The following ITGA9 variants were observed in gnomAD, a reference collection of about 807,000 sequenced individuals.
The protein encoded by ITGA9 is integrin alpha-9.
Under a neutral mutation model 127.8 loss-of-function variants are expected in ITGA9, and 56 were observed. That is an observed-to-expected ratio of 0.44 (90% CI 0.35 to 0.55). ITGA9 has a LOEUF of 0.55. ITGA9 is among the 20% of genes least tolerant of loss of function. The probability of loss-of-function intolerance (pLI) is 0.00; values close to 1 mark genes in which losing one functional copy is unlikely to be tolerated. For missense variants in ITGA9, 1,196 were observed against 1,347.1 expected, an observed-to-expected ratio of 0.89 and a Z score of 1.76; for synonymous variants, 508 against 514.5, an observed-to-expected ratio of 0.99 and a Z score of 0.17.
intron 26 of ITGA9, among the ~76,000 whole-genome samples, chr3:37,801,147 G>C (rs976148943): frequency 1.1e-4 from 17 of 152,060 alleles, no homozygotes; most frequent in African/African-American, 4.1e-4. Context: ...CCTGAGCAAC[G>C]GAGCAAGACT....
intron 23 of ITGA9, among the ~76,000 whole-genome samples, chr3:37,752,031 G>A (rs138434314): frequency 1.3e-5 from 2 of 152,330 alleles, no homozygotes; most frequent in East Asian, 3.9e-4. Flanking sequence ...GACAACAAGA[G>A]TAGAAGCATA....
chr3:37,588,894 C>T (rs975068006), intron 15 of ITGA9, among the ~76,000 whole-genome samples: 7 of 152,164 alleles, frequency 4.6e-5, no homozygotes, highest in Admixed American at 6.5e-5. Flanking sequence ...GCATCATCCT[C>T]GTGGCATTCT....
At chr3:37,766,858 T>C (rs1177614446) in intron 23 of ITGA9, among the ~76,000 whole-genome samples, 2 of 152,184 alleles carry the variant, frequency 1.3e-5, no homozygotes, top group Non-Finnish European at 2.9e-5. Context: ...CTAAAGAGAA[T>C]CTGACGGCAT....
chr3:37,801,173 AAAG>A (rs1185104454), intron 26 of ITGA9, among the ~76,000 whole-genome samples: 1 of 152,126 alleles, frequency 6.6e-6, no homozygotes, highest in Non-Finnish European at 1.5e-5. Flanking sequence ...TCAAAAAAAG[AAAG>A]AAAAGAAAAG....
chr3:37,554,304 C>T (rs932272156), intron 15 of ITGA9, among the ~76,000 whole-genome samples: 4 of 151,914 alleles, frequency 2.6e-5, no homozygotes, highest in Non-Finnish European at 4.4e-5. Context: ...GTTAGCACAG[C>T]GGGTTCCTGG....
chr3:37,785,005 C>T lies in ITGA9; in HGVS notation c.2816C>T (p.Ser939Phe). ...AGTTCGTCTGTCATCCAGTTCATGT[C>T]CCGCGCCAAGGTGAAGGTGGATCCT... ...KDSSSVIQFM[S>F]RAKVKVDPAL... Residue 939 changes from serine (S) to phenylalanine (F), a missense_variant, in exon 26 of 28, where the codon TCC (serine) becomes TTC (phenylalanine). Transcript: ENST00000264741. 2 of 1,614,118 alleles carry T rather than the reference C, an allele frequency of 1.2e-6. No homozygotes were observed. Among genetic ancestry groups the T allele is most frequent in the Non-Finnish European group, 1.7e-6 (2 of 1,179,976 alleles).
chr3:37,612,217 G>A (rs144719271), intron 15 of ITGA9, among the ~76,000 whole-genome samples: 7 of 152,256 alleles, frequency 4.6e-5, no homozygotes, highest in Non-Finnish European at 7.3e-5. Flanking sequence ...GTGCGTGGAC[G>A]CCTTTGGCCG....
chr3:37,603,047 C>T (rs553887388), intron 15 of ITGA9, among the ~76,000 whole-genome samples: 1 of 152,310 alleles, frequency 6.6e-6, no homozygotes, highest in Admixed American at 6.5e-5. Flanking sequence ...GATCTGGATA[C>T]AGCCAAAGTC....
intron 15 of ITGA9, among the ~76,000 whole-genome samples, chr3:37,620,024 G>C (rs1275140706): frequency 6.6e-6 from 1 of 152,172 alleles, no homozygotes; most frequent in Non-Finnish European, 1.5e-5. Flanking sequence ...CATCCTTTCT[G>C]ATTCACTCAA....
chr3:37,683,983 C>T lies in ITGA9; in HGVS notation c.2035C>T (p.Arg679Trp), dbSNP rs572089785. The T allele has an allele frequency of 7.4e-6, 12 of 1,613,708 alleles. 1 individual carries two copies. Among genetic ancestry groups the T allele is most frequent in the South Asian group, 2.2e-5 (2 of 91,074 alleles). Residue 679 changes from arginine (R) to tryptophan (W), a missense_variant, in exon 18 of 28, where the codon CGG becomes TGG. By Grantham distance (101) the Arg-to-Trp change is moderately radical (BLOSUM62 -3). Coordinates refer to ENST00000264741, the MANE Select transcript of ITGA9 (RefSeq NM_002207.3). ...TGCCAACGTGTCCTTCAATGTTTCCCGGGAGCTCTTCTTCATCAACATGTG... is the reference window on the plus strand; with the variant it reads ...TGCCAACGTGTCCTTCAATGTTTCCTGGGAGCTCTTCTTCATCAACATGTG... ...YDANVSFNVS[R>W]ELFFINMWQK...
At chr3:37,631,326 A>T (rs1308385556) in intron 16 of ITGA9, among the ~76,000 whole-genome samples, 1 of 152,194 alleles carries the variant, frequency 6.6e-6, no homozygotes, top group East Asian at 1.9e-4. Flanking sequence ...AGTGGCACAG[A>T]TGTGGACTTT....
chr3:37,803,859 G>A lies in ITGA9; in HGVS notation c.2926G>A (p.Gly976Ser), dbSNP rs1304988984. ...GGCCCTGCACAATCTGGAGCCCCGT[G>A]GCTACGTCGTGGGGTGGATCATCGC... ...FEALHNLEPR[G>S]YVVGWIIAIS... The change falls in exon 27 of 28, where the codon GGC becomes AGC. Residue 976 changes from glycine to serine, a missense_variant. Gly to Ser is a moderately conservative substitution (Grantham distance 56). Coordinates refer to ENST00000264741, the MANE Select transcript of ITGA9 (RefSeq NM_002207.3). 3 of 1,614,034 alleles carry A rather than the reference G, an allele frequency of 1.9e-6. No homozygotes were observed. The highest frequency in any genetic ancestry group is 1.3e-5 in the African/African-American group (1 of 74,908).
intron 15 of ITGA9, among the ~76,000 whole-genome samples, chr3:37,615,298 G>A (rs929193841): frequency 6.6e-5 from 10 of 152,202 alleles, no homozygotes; most frequent in Non-Finnish European, 1.5e-4. Flanking sequence ...AACCAGCCTT[G>A]CATCCCAGGG....
intron 1 of ITGA9, among the ~76,000 whole-genome samples, chr3:37,460,292 C>T (rs1559511886): frequency 1.3e-5 from 2 of 152,068 alleles, no homozygotes; most frequent in South Asian, 4.1e-4. Flanking sequence ...GATTTGTATC[C>T]TCAAATATTT....
intron 4 of ITGA9, among the ~76,000 whole-genome samples, chr3:37,493,960 C>T (rs952679941): frequency 6.6e-6 from 1 of 152,114 alleles, no homozygotes. Flanking sequence ...AGAGATCTTC[C>T]CCCTTTCCTT....
intron 15 of ITGA9, among the ~76,000 whole-genome samples, chr3:37,622,239 C>T (rs1184646124): frequency 6.6e-6 from 1 of 151,840 alleles, no homozygotes; most frequent in East Asian, 1.9e-4. Flanking sequence ...AGGCGCCCGC[C>T]ACCAGGCCTG....
At chr3:37,517,117 G>A (rs1698991117) in intron 9 of ITGA9, among the ~76,000 whole-genome samples, 2 of 152,190 alleles carry the variant, frequency 1.3e-5, no homozygotes, top group Admixed American at 6.5e-5. Context: ...ATAGAAAAAT[G>A]TATACCCTTT....
chr3:37,681,016 TG>T (rs1700729732), intron 17 of ITGA9, among the ~76,000 whole-genome samples: 2 of 152,192 alleles, frequency 1.3e-5, no homozygotes, highest in Admixed American at 6.5e-5. Flanking sequence ...ATGTTATTCT[TG>T]TTGATGTGCC....
intron 23 of ITGA9, among the ~76,000 whole-genome samples, chr3:37,763,882 G>A (rs1696749651): frequency 6.6e-6 from 1 of 152,160 alleles, no homozygotes; most frequent in African/African-American, 2.4e-5. Context: ...ACTGTACCAA[G>A]CCAGCTCTCT....
Sources: allele counts gnomAD v4.1 joint callset (sites outside exome capture counted in the v4.1 genomes callset), GRCh38; gene constraint gnomAD v4.1.1; transcripts MANE v1.5; gene names NCBI Gene and HGNC (gene_info 2026-07-23, HGNC 2026-07-21).